Variants in RETREG3 observed in about 807,000 individuals in gnomAD.
The protein encoded by RETREG3 is reticulophagy regulator family member 3, also known as reticulophagy regulator 3.
A neutral mutation model predicts 50.2 loss-of-function variants in RETREG3; 23 were observed. The ratio of observed to expected loss-of-function variants is 0.46; its 90% CI spans 0.33 to 0.65. The LOEUF is 0.65. RETREG3 is among the 30% of genes least tolerant of loss of function. The pLI is 0.02. For synonymous variants in RETREG3, 240 were observed against 234.4 expected (o/e 1.02, Z -0.22); for missense variants, 546 against 598.0 (o/e 0.91, Z 0.91).
intron 1 of RETREG3, among the ~76,000 whole-genome samples, chr17:42,594,281 C>A (rs966485450): frequency 4.6e-5 from 7 of 152,184 alleles, no homozygotes; most frequent in Non-Finnish European, 7.3e-5. Context: ...AAAGACTAGG[C>A]ATGGTGGCTG....
chr17:42,588,406 C>G (rs981529854), intron 2 of RETREG3, among the ~76,000 whole-genome samples: 2 of 151,622 alleles, frequency 1.3e-5, no homozygotes, highest in East Asian at 1.9e-4. Context: ...CCACAATGCC[C>G]GGCTAATTTT....
In RETREG3 at chr17:42,586,873, A is replaced by C. The variant is rs552720553; in HGVS notation, c.396T>G (p.Pro132=). 6.2e-7 allele frequency: 1 copy of C among 1,614,032 alleles called. No individual in the cohort carries two copies. The highest frequency in any genetic ancestry group is 8.5e-7 in the Non-Finnish European group (1 of 1,179,996). ...LDNESWGFVH[P]RLLSVPELCH... ...AGAGCTCGGGCACGCTGAGCAACCG[A>C]GGGTGCACAAAGCCCCAGCTATGGG... The change falls in exon 4 of 9, where the codon CCT becomes CCG. Residue 132 remains proline, a synonymous_variant. Coordinates refer to ENST00000309428, the MANE Select transcript of RETREG3 (RefSeq NM_178126.4).
chr17:42,597,242 G>A (rs1401725551), intron 1 of RETREG3, among the ~76,000 whole-genome samples: 2 of 147,276 alleles, frequency 1.4e-5, no homozygotes, highest in Non-Finnish European at 3.0e-5. Flanking sequence ...AGGCTAGAGT[G>A]CAGTGGCGTG....
intron 8 of RETREG3, 100 bp downstream of exon 8, chr17:42,582,572 CAG>C (rs2093111796): frequency 2.6e-6 from 4 of 1,532,312 alleles, no homozygotes; most frequent in Non-Finnish European, 3.5e-6. Flanking sequence ...ATCCATAGCT[CAG>C]AAAACAGGAG....
chr17:42,582,662 G>A lies in RETREG3; in HGVS notation c.943+12C>T. 3.7e-6 allele frequency: 6 copies of A among 1,614,048 alleles called. No individual in the cohort carries two copies. Among genetic ancestry groups the A allele is most frequent in the South Asian group, 1.1e-5 (1 of 91,060 alleles). On this transcript the variant is annotated intron_variant, in intron 8 of 8. Coordinates refer to ENST00000309428, the MANE Select transcript of RETREG3 (RefSeq NM_178126.4). The stretch of plus-strand genomic sequence containing the variant: ...AGAGCCATTATCAACTGAGGTCAAA[G>A]GCTCCCCTCACCTTCAGAGCCTTCC...
chr17:42,588,340 T>G (rs2093125349), intron 2 of RETREG3, among the ~76,000 whole-genome samples: 1 of 151,986 alleles, frequency 6.6e-6, no homozygotes, highest in Non-Finnish European at 1.5e-5. Flanking sequence ...CACTGCAAGC[T>G]CCGCCTCCCA....
intron 1 of RETREG3, among the ~76,000 whole-genome samples, chr17:42,594,891 T>C (rs2093140839): frequency 6.6e-6 from 1 of 151,872 alleles, no homozygotes; most frequent in Non-Finnish European, 1.5e-5. Context: ...CGGCTGTACA[T>C]TTGAATATAC....
chr17:42,602,247 G>C (rs1421334890), intron 1 of RETREG3, among the ~76,000 whole-genome samples: 1 of 151,714 alleles, frequency 6.6e-6, no homozygotes, highest in Non-Finnish European at 1.5e-5. Flanking sequence ...AATCTGGGAG[G>C]CAGAGGTTGC....
intron 2 of RETREG3, among the ~76,000 whole-genome samples, chr17:42,591,326 CAT>C (rs370180655): frequency 1.1e-4 from 16 of 151,236 alleles, no homozygotes; most frequent in South Asian, 4.2e-4. Context: ...AAAGACACCA[CAT>C]GTCATGGTAC....
chr17:42,595,820 T>G (rs2093143205), intron 1 of RETREG3, among the ~76,000 whole-genome samples: 1 of 150,326 alleles, frequency 6.7e-6, no homozygotes, highest in African/African-American at 2.4e-5. Context: ...ATTGGTTGGT[T>G]AAGTCCAGGA....
intron 1 of RETREG3, among the ~76,000 whole-genome samples, chr17:42,594,805 TGC>T (rs2093140555): frequency 1.3e-5 from 2 of 151,588 alleles, no homozygotes; most frequent in African/African-American, 4.8e-5. Flanking sequence ...GAGCTGAGAT[TGC>T]GCTACTGCAC....
chr17:42,601,878 C>T (rs1028761194), intron 1 of RETREG3, among the ~76,000 whole-genome samples: 2 of 151,892 alleles, frequency 1.3e-5, no homozygotes, highest in African/African-American at 2.4e-5. Flanking sequence ...AGGTGACCTG[C>T]CTGCCTCGGC....
At position 42,584,855 on chromosome 17, in the gene RETREG3, G is replaced by A. The variant is rs540131993; in HGVS notation, c.727+270C>T. Among the ~76,000 whole-genome samples, 9 of 148,552 alleles carry A rather than the reference G, an allele frequency of 6.1e-5. No homozygotes were observed. The South Asian group carries it at 1.9e-3, about 31-fold the overall frequency. ...AAAAAAAACAAACCACAAATACTAG[G>A]AATTTATCTTCACTGTCTAGCTTTT... On this transcript the variant is annotated intron_variant, in intron 6 of 8. Coordinates refer to ENST00000309428, the MANE Select transcript of RETREG3 (RefSeq NM_178126.4).
intron 1 of RETREG3, among the ~76,000 whole-genome samples, chr17:42,607,504 A>C (rs111970283): frequency 0.011 from 1,619 of 147,228 alleles, 6 homozygotes; most frequent in Non-Finnish European, 0.019. Flanking sequence ...TGTCTCAAAA[A>C]AAAAAAAAAA....
At chr17:42,604,746 C>G (rs2093164823) in intron 1 of RETREG3, among the ~76,000 whole-genome samples, 1 of 151,498 alleles carries the variant, frequency 6.6e-6, no homozygotes, top group Non-Finnish European at 1.5e-5. Context: ...TTATGTAGGC[C>G]TCCTTGAACT....
intron 2 of RETREG3, among the ~76,000 whole-genome samples, chr17:42,590,724 T>C (rs941110424): frequency 1.3e-5 from 2 of 152,086 alleles, no homozygotes; most frequent in African/African-American, 4.8e-5. Context: ...CCCAGCACTT[T>C]GGGAGGCCTA....
At chr17:42,597,497 TTGTGTGTGTGTGTG>T (rs71157646) in intron 1 of RETREG3, among the ~76,000 whole-genome samples, 3 of 116,762 alleles carry the variant, frequency 2.6e-5, no homozygotes. Context: ...AGAATCTATT[TTGTGTGTGTGTGTG>T]TGTGTGTGTG....
At chr17:42,600,067 A>T (rs555089424) in intron 1 of RETREG3, among the ~76,000 whole-genome samples, 3 of 147,722 alleles carry the variant, frequency 2.0e-5, no homozygotes, top group South Asian at 2.1e-4. Context: ...AAAAGAGTTT[A>T]AAAAAAAAAC....
intron 2 of RETREG3, among the ~76,000 whole-genome samples, chr17:42,591,639 C>T (rs992477576): frequency 7.2e-5 from 11 of 152,156 alleles, no homozygotes; most frequent in African/African-American, 2.2e-4. Context: ...CCACTGCGCC[C>T]GGCCATCATG....
Sources: allele counts gnomAD v4.1 joint callset (sites outside exome capture counted in the v4.1 genomes callset), GRCh38; gene constraint gnomAD v4.1.1; transcripts MANE v1.5; gene names NCBI Gene and HGNC (gene_info 2026-07-23, HGNC 2026-07-21).